The following CHMP2B variants were observed in gnomAD, a reference collection of about 807,000 sequenced individuals.
The protein encoded by CHMP2B is VPS2 homolog B.
Under a neutral mutation model 29.8 loss-of-function variants are expected in CHMP2B, and 22 were observed. The observed-to-expected ratio is 0.74, with a 90% CI of 0.53 to 1.05. The LOEUF (loss-of-function observed/expected upper bound fraction) is 1.05, where lower values mean the gene tolerates loss of function less well. Ranked by LOEUF, CHMP2B falls within the 50% of genes least tolerant of loss-of-function variation. The pLI, the probability that CHMP2B is intolerant of heterozygous loss-of-function variation, is 0.00. For synonymous variants in CHMP2B, 78 were observed against 75.8 expected (o/e 1.03, Z -0.15); for missense variants, 261 against 252.2 (o/e 1.03, Z -0.24).
chr3:87,244,753 A>T (rs569261398), intron 2 of CHMP2B, among the ~76,000 whole-genome samples: 2 of 152,142 alleles, frequency 1.3e-5, no homozygotes, highest in African/African-American at 4.8e-5. Context: ...TACTTTGGTG[A>T]TTGTTTAGTG....
intron 1 of CHMP2B, among the ~76,000 whole-genome samples, chr3:87,231,691 C>T (rs1475012354): frequency 1.3e-5 from 2 of 152,138 alleles, no homozygotes; most frequent in Non-Finnish European, 2.9e-5. Context: ...TCCAGCAGCA[C>T]TGTTCTTCTG....
At chr3:87,240,002 TA>T (rs1434538328) in intron 1 of CHMP2B, among the ~76,000 whole-genome samples, 1 of 152,118 alleles carries the variant, frequency 6.6e-6, no homozygotes, top group Non-Finnish European at 1.5e-5. Flanking sequence ...AATAAACATA[TA>T]ACCTGTCTTC....
intron 1 of CHMP2B, among the ~76,000 whole-genome samples, chr3:87,230,379 C>T (rs1457392149): frequency 6.6e-6 from 1 of 152,110 alleles, no homozygotes; most frequent in African/African-American, 2.4e-5. Flanking sequence ...AGGACTAAGT[C>T]GTGTGTTCAA....
In CHMP2B at chr3:87,254,041, T is replaced by G; in HGVS notation, c.*219T>G. 2.2e-6 allele frequency: 1 copy of G among 460,356 alleles called. No homozygotes were observed. Among genetic ancestry groups the G allele is most frequent in the Non-Finnish European group, 4.0e-6 (1 of 251,176 alleles). The allele number at this position is 460,356 out of a possible 1,614,324, so 28.5% of individuals were successfully genotyped here. On this transcript the variant is annotated 3_prime_UTR_variant, in exon 6 of 6. Coordinates refer to ENST00000263780, the MANE Select transcript of CHMP2B (RefSeq NM_014043.4). Reference sequence around the variant, plus strand: ...AGTTTGGATTTTAATTAGAACTGTTTAGGAGTGATGATGTGTAAAAAGTTG... The same window carrying G: ...AGTTTGGATTTTAATTAGAACTGTTGAGGAGTGATGATGTGTAAAAAGTTG...
At chr3:87,229,963 A>G (rs1159492768) in intron 1 of CHMP2B, among the ~76,000 whole-genome samples, 1 of 152,198 alleles carries the variant, frequency 6.6e-6, no homozygotes, top group East Asian at 1.9e-4. Flanking sequence ...TGCTGTAGAA[A>G]TTAATGAGAG....
chr3:87,243,038 CATA>C (rs1575967573), intron 2 of CHMP2B, among the ~76,000 whole-genome samples: 1 of 152,110 alleles, frequency 6.6e-6, no homozygotes, highest in East Asian at 1.9e-4. Context: ...GACATATTAA[CATA>C]ATGTTAGTTA....
At chr3:87,230,756 C>T (rs1705894332) in intron 1 of CHMP2B, among the ~76,000 whole-genome samples, 1 of 152,116 alleles carries the variant, frequency 6.6e-6, no homozygotes. Flanking sequence ...ACTGCCTCCC[C>T]CACCTTACAG....
intron 1 of CHMP2B, among the ~76,000 whole-genome samples, chr3:87,232,330 G>A (rs1313167828): frequency 1.3e-5 from 2 of 152,034 alleles, no homozygotes; most frequent in Non-Finnish European, 2.9e-5. Context: ...GAAATAAAAC[G>A]GAATACCCTT....
intron 2 of CHMP2B, among the ~76,000 whole-genome samples, chr3:87,242,553 G>A: frequency 6.6e-6 from 1 of 152,018 alleles, no homozygotes; most frequent in East Asian, 1.9e-4. Flanking sequence ...CTCATAGTCA[G>A]TAATATTTTC....
At chr3:87,230,244 T>C (rs1000890484) in intron 1 of CHMP2B, among the ~76,000 whole-genome samples, 2 of 152,180 alleles carry the variant, frequency 1.3e-5, no homozygotes, top group Non-Finnish European at 2.9e-5. Flanking sequence ...AATTTTTGTC[T>C]GTTAACCTCA....
intron 1 of CHMP2B, among the ~76,000 whole-genome samples, chr3:87,231,378 A>T (rs1240181370): frequency 6.6e-6 from 1 of 152,064 alleles, no homozygotes; most frequent in Non-Finnish European, 1.5e-5. Flanking sequence ...GACACATAGG[A>T]TCTTCCTCTC....
At chr3:87,250,943 T>C (rs940214520) in intron 4 of CHMP2B, among the ~76,000 whole-genome samples, 1 of 151,902 alleles carries the variant, frequency 6.6e-6, no homozygotes, top group African/African-American at 2.4e-5. Context: ...TTGCTTATAT[T>C]ATGTCAAAAA....
intron 3 of CHMP2B, among the ~76,000 whole-genome samples, chr3:87,248,905 G>A (rs1392217111): frequency 6.6e-6 from 1 of 152,174 alleles, no homozygotes; most frequent in South Asian, 2.1e-4. Flanking sequence ...TACTGAATTA[G>A]CTATATAATG....
At chr3:87,236,370 C>T (rs570718692) in intron 1 of CHMP2B, among the ~76,000 whole-genome samples, 1 of 152,202 alleles carries the variant, frequency 6.6e-6, no homozygotes, top group East Asian at 1.9e-4. Flanking sequence ...CTGTGCCAGG[C>T]ACCCAGGATG....
intron 3 of CHMP2B, among the ~76,000 whole-genome samples, chr3:87,247,839 G>A (rs1706242310): frequency 6.6e-6 from 1 of 152,108 alleles, no homozygotes. Flanking sequence ...TATTGTACTT[G>A]GGTGGTGGAC....
At chr3:87,252,704 A>G (rs73847816) in intron 4 of CHMP2B, among the ~76,000 whole-genome samples, 2,263 of 151,988 alleles carry the variant, frequency 0.015, 50 homozygotes, top group African/African-American at 0.051. Flanking sequence ...TACCCATTGT[A>G]TTTATATTGC....
chr3:87,235,061 C>A (rs188298343), intron 1 of CHMP2B, among the ~76,000 whole-genome samples: 6 of 152,224 alleles, frequency 3.9e-5, no homozygotes, highest in Non-Finnish European at 7.4e-5. Flanking sequence ...TCCCATAGAT[C>A]GCTAGTAAGT....
intron 3 of CHMP2B, among the ~76,000 whole-genome samples, chr3:87,246,770 T>C (rs1706221101): frequency 6.6e-6 from 1 of 152,186 alleles, no homozygotes; most frequent in South Asian, 2.1e-4. Flanking sequence ...ATTTAATAAA[T>C]AAAGCACTCC....
chr3:87,253,740 G>A lies in CHMP2B; in HGVS notation c.560G>A (p.Ser187Asn), dbSNP rs78268395. ...KMAKAPSAARSLPSASTSKAT... is the reference protein window; with the variant it reads ...KMAKAPSAARNLPSASTSKAT... ...GCCAAAGCTCCATCAGCTGCTCGAAGCTTACCATCTGCCTCTACTTCAAAG... is the reference window on the plus strand; with the variant it reads ...GCCAAAGCTCCATCAGCTGCTCGAAACTTACCATCTGCCTCTACTTCAAAG... Residue 187 changes from serine to asparagine, a missense_variant, in exon 6 of 6, where the codon AGC becomes AAC. Ser to Asn is a conservative substitution (Grantham distance 46). Transcript: ENST00000263780. 1,874 of 1,612,490 alleles carry A rather than the reference G, an allele frequency of 1.2e-3. 17 individuals are homozygous for A. In the African/African-American group the frequency reaches 0.022, roughly 19 times the overall value.
Sources: allele counts gnomAD v4.1 joint callset (sites outside exome capture counted in the v4.1 genomes callset), GRCh38; gene constraint gnomAD v4.1.1; transcripts MANE v1.5; gene names NCBI Gene and HGNC (gene_info 2026-07-23, HGNC 2026-07-21).